Variants in PDE5A observed in about 807,000 individuals in gnomAD.
PDE5A encodes phosphodiesterase 5A.
Under a neutral mutation model 110.2 loss-of-function variants are expected in PDE5A, and 67 were observed. The ratio of observed to expected loss-of-function variants is 0.61; its 90% CI spans 0.50 to 0.75. The LOEUF is 0.75. Among genes scored for constraint, PDE5A ranks in the 30% least tolerant of loss-of-function variants. The pLI is 0.00. For synonymous variants in PDE5A, 328 were observed against 351.2 expected, an observed-to-expected ratio of 0.93 and a Z score of 0.74; for missense variants, 862 against 1,045.1, an observed-to-expected ratio of 0.82 and a Z score of 2.42.
Position 119,607,277 on chromosome 4 carries a change from A to T in PDE5A, c.173T>A (p.Phe58Tyr). 1 of 1,610,964 alleles carries T rather than the reference A, an allele frequency of 6.2e-7. No homozygotes were observed. Among genetic ancestry groups the T allele is most frequent in the Non-Finnish European group, 8.5e-7 (1 of 1,179,524 alleles). ...KATREMVNAW[F>Y]AERVHTIPVC... is the part of the protein sequence containing the mutation. ...AGGGATGGTGTGAACTCTCTCAGCAAACCATGCATTGACCATTTCTCTGCA... is the reference window on the plus strand; with the variant it reads ...AGGGATGGTGTGAACTCTCTCAGCATACCATGCATTGACCATTTCTCTGCA... Residue 58 changes from phenylalanine (F) to tyrosine (Y), a missense_variant, in exon 2 of 21, where the codon TTT becomes TAT. By Grantham distance (22) the Phe-to-Tyr change is conservative. Coordinates refer to ENST00000354960, the MANE Select transcript of PDE5A (RefSeq NM_001083.4).
chr4:119,559,049 G>A (rs1727646899), intron 7 of PDE5A, among the ~76,000 whole-genome samples: 1 of 150,374 alleles, frequency 6.7e-6, no homozygotes, highest in Admixed American at 6.7e-5. Flanking sequence ...TCTCTTTTAA[G>A]GTAATCACAC....
At chr4:119,563,099 A>G in intron 5 of PDE5A, 129 bp from the exon 6 acceptor site, 1 of 633,366 alleles carries the variant, frequency 1.6e-6, no homozygotes, top group South Asian at 2.9e-5. Flanking sequence ...TCAAATATAA[A>G]TACGTCTCCA....
chr4:119,592,813 C>G (rs756138943), intron 3 of PDE5A, among the ~76,000 whole-genome samples: 32 of 152,004 alleles, frequency 2.1e-4, no homozygotes, highest in Non-Finnish European at 4.3e-4. Flanking sequence ...GAGTCCAAGG[C>G]TCATATTAAG....
rs1292793998 is a variant in PDE5A, at chr4:119,567,072, C to G, written c.903+1G>C. 1 of 1,610,164 alleles carries G rather than the reference C, an allele frequency of 6.2e-7. No individual in the cohort carries two copies. Among genetic ancestry groups the G allele is most frequent in the South Asian group, 1.1e-5 (1 of 90,970 alleles). On this transcript the variant is annotated splice_donor_variant, in intron 4 of 20. Transcript: ENST00000354960. LOFTEE classifies it high-confidence loss of function. ...CTCATGTCTGACACAAGTTTTGGTA[C>G]CTTTTCATCTTTTTCAGTAAATGTC... is the stretch of plus-strand genomic sequence containing the variant.
At chr4:119,563,088 T>C in intron 5 of PDE5A, 118 bp from the exon 6 acceptor site, 1 of 739,874 alleles carries the variant, frequency 1.4e-6, no homozygotes, top group South Asian at 2.6e-5. Flanking sequence ...CAAGTCTGCA[T>C]TCAAATATAA....
At chr4:119,572,404 T>C (rs1728172354) in intron 3 of PDE5A, among the ~76,000 whole-genome samples, 1 of 152,208 alleles carries the variant, frequency 6.6e-6, no homozygotes, top group African/African-American at 2.4e-5. Context: ...TAATTAATTA[T>C]GTCTTCCCAT....
At chr4:119,599,710 T>TACAC (rs1491105475) in intron 2 of PDE5A, among the ~76,000 whole-genome samples, 25 of 71,642 alleles carry the variant, frequency 3.5e-4, no homozygotes, top group African/African-American at 7.9e-4. Flanking sequence ...ATCAAGTGTG[T>TACAC]ATACACACAC....
intron 1 of PDE5A, among the ~76,000 whole-genome samples, chr4:119,625,230 G>A (rs1043606749): frequency 2.0e-5 from 3 of 152,008 alleles, no homozygotes; most frequent in African/African-American, 4.8e-5. Flanking sequence ...AACTCCTGAC[G>A]TCGTGATCTG....
intron 3 of PDE5A, among the ~76,000 whole-genome samples, chr4:119,588,972 A>T (rs1728869024): frequency 6.6e-6 from 1 of 152,232 alleles, no homozygotes. Flanking sequence ...AGATGATAAG[A>T]TAAAAAGAGA....
At chr4:119,571,013 A>G (rs1167208488) in intron 3 of PDE5A, among the ~76,000 whole-genome samples, 2 of 152,188 alleles carry the variant, frequency 1.3e-5, no homozygotes, top group East Asian at 1.9e-4. Flanking sequence ...GCCTTTATGT[A>G]CCAGTAGTGA....
At chr4:119,605,307 T>G (rs1045719636) in intron 2 of PDE5A, among the ~76,000 whole-genome samples, 1 of 152,102 alleles carries the variant, frequency 6.6e-6, no homozygotes, top group African/African-American at 2.4e-5. Flanking sequence ...TTTATTCAAT[T>G]TATTCAAATT....
At chr4:119,594,088 A>T (rs1729071542) in intron 3 of PDE5A, among the ~76,000 whole-genome samples, 1 of 152,218 alleles carries the variant, frequency 6.6e-6, no homozygotes, top group Non-Finnish European at 1.5e-5. Context: ...GTGGGGACAC[A>T]GACAAATCAT....
intron 10 of PDE5A, chr4:119,541,623 A>G (rs1260651116): frequency 6.6e-6 from 1 of 152,180 alleles, no homozygotes; most frequent in African/African-American, 2.4e-5. Context: ...TGTACTTAAG[A>G]GAGATTGAGG....
At chr4:119,589,380 G>T (rs13115778) in intron 3 of PDE5A, among the ~76,000 whole-genome samples, 117,762 of 151,902 alleles carry the variant, frequency 0.78, 45,813 homozygotes, top group East Asian at 0.89. Context: ...CACTATGTCA[G>T]AACAAGCAAT....
chr4:119,562,915 A>G lies in PDE5A; in HGVS notation c.1049T>C (p.Ile350Thr), dbSNP rs771584938. The G allele has an allele frequency of 1.2e-6, 2 of 1,603,272 alleles. No individual in the cohort carries two copies. The highest frequency in any genetic ancestry group is 1.1e-5 in the South Asian group (1 of 88,532). Residue 350 changes from isoleucine (I) to threonine (T), a missense_variant, in exon 6 of 21, where the codon ATT becomes ACT. By Grantham distance (89) the Ile-to-Thr change is moderately conservative. Transcript: ENST00000354960. ...AATAGTGGCAGCTATTTTCTTCAAA[A>G]TTACTTCTAATGATTGTTGTTCTTC... ...IFEEQQSLEV[I>T]LKKIAATIIS... is the part of the protein sequence containing the mutation.
In PDE5A at chr4:119,607,165, T is replaced by A. The variant is rs752100242; in HGVS notation, c.285A>T (p.Gly95=). The A allele has an allele frequency of 1.2e-6, 2 of 1,614,124 alleles. No individual in the cohort carries two copies. Among genetic ancestry groups the A allele is most frequent in the South Asian group, 1.1e-5 (1 of 91,076 alleles). The change falls in exon 2 of 21, where the codon GGA becomes GGT. Residue 95 remains glycine (G), a synonymous_variant. Coordinates refer to ENST00000354960, the MANE Select transcript of PDE5A (RefSeq NM_001083.4). ...AGGCAGAGATTTTCCTGGTTGGTGT[T>A]CCAGGGGCACTGTTATCTGCACGAG... ...QSPRADNSAP[G]TPTRKISASE...
At chr4:119,607,444 CAT>C in intron 1 of PDE5A, 147 bp from the exon 2 acceptor site, 4 of 638,056 alleles carry the variant, frequency 6.3e-6, no homozygotes, top group African/African-American at 1.8e-5. Context: ...TTACTTAAGA[CAT>C]ATGATTTTGG....
At chr4:119,565,708 C>T (rs189567814) in intron 4 of PDE5A, among the ~76,000 whole-genome samples, 307 of 152,002 alleles carry the variant, frequency 2.0e-3, no homozygotes, top group African/African-American at 7.2e-3. Flanking sequence ...TTAGCCTCTC[C>T]ATGATATTAA....
Position 119,496,369 on chromosome 4 carries a change from T to C in PDE5A, c.*2232A>G, listed in dbSNP as rs1725070388. 2 of 152,146 alleles carry C rather than the reference T, an allele frequency of 1.3e-5. No individual in the cohort carries two copies. Among genetic ancestry groups the C allele is most frequent in the Non-Finnish European group, 2.9e-5 (2 of 68,012 alleles). 9.4% of individuals were successfully genotyped at this position (152,146 alleles called of 1,614,324 possible). On this transcript the variant is annotated 3_prime_UTR_variant, in exon 21 of 21. Coordinates refer to ENST00000354960, the MANE Select transcript of PDE5A (RefSeq NM_001083.4). Reference sequence around the variant, plus strand: ...CCCTAAAGAAGTACTCTGCTTTGTATGAACTAAAATATCCAACAAAGAAAT... The same window carrying C: ...CCCTAAAGAAGTACTCTGCTTTGTACGAACTAAAATATCCAACAAAGAAAT...
Sources: allele counts gnomAD v4.1 joint callset (sites outside exome capture counted in the v4.1 genomes callset), GRCh38; gene constraint gnomAD v4.1.1; transcripts MANE v1.5; gene names NCBI Gene and HGNC (gene_info 2026-07-23, HGNC 2026-07-21).